The following ADCK1 variants were observed in gnomAD, a reference collection of about 807,000 sequenced individuals.
ADCK1 encodes the protein aarF domain containing kinase 1, also known as aarF domain-containing protein kinase 1.
A neutral mutation model predicts 52.3 loss-of-function variants in ADCK1; 41 were observed. The ratio of observed to expected loss-of-function variants is 0.78; its 90% CI spans 0.61 to 1.02. ADCK1 has a LOEUF of 1.02. Among genes scored for constraint, ADCK1 ranks in the 50% least tolerant of loss-of-function variants. The probability of loss-of-function intolerance (pLI) is 0.00; values close to 1 mark genes in which losing one functional copy is unlikely to be tolerated. For synonymous variants in ADCK1, 250 were observed against 274.6 expected, an observed-to-expected ratio of 0.91 and a Z score of 0.89; for missense variants, 658 against 679.5, an observed-to-expected ratio of 0.97 and a Z score of 0.35.
At chr14:77,922,738 CCT>C (rs1236248714) in intron 7 of ADCK1, among the ~76,000 whole-genome samples, 3 of 152,136 alleles carry the variant, frequency 2.0e-5, no homozygotes, top group Non-Finnish European at 4.4e-5. Context: ...GTTAGTTAAA[CCT>C]TGATGAATCA....
chr14:77,869,221 C>T (rs562286528), intron 4 of ADCK1, among the ~76,000 whole-genome samples: 86 of 152,326 alleles, frequency 5.6e-4, no homozygotes, highest in Middle Eastern at 3.4e-3. Context: ...TATTGTCTCA[C>T]AGTTCTGGAG....
intron 3 of ADCK1, 127 bp from the exon 4 acceptor site, chr14:77,858,949 T>G: frequency 1.2e-6 from 1 of 816,356 alleles, no homozygotes; most frequent in South Asian, 1.9e-5. Flanking sequence ...TGCGTGTGTG[T>G]GCATGCATCT....
At chr14:77,927,992 G>T (rs2084236443) in intron 9 of ADCK1, among the ~76,000 whole-genome samples, 1 of 152,186 alleles carries the variant, frequency 6.6e-6, no homozygotes, top group Non-Finnish European at 1.5e-5. Flanking sequence ...GAGATGAGTG[G>T]TGGCGATCAT....
At chr14:77,820,625 C>T (rs892758260) in intron 2 of ADCK1, among the ~76,000 whole-genome samples, 2 of 141,936 alleles carry the variant, frequency 1.4e-5, no homozygotes, top group East Asian at 2.0e-4. Flanking sequence ...AGCCATTGTG[C>T]CAGGCCAATT....
At chr14:77,884,463 T>C (rs2083103572) in intron 4 of ADCK1, among the ~76,000 whole-genome samples, 1 of 152,144 alleles carries the variant, frequency 6.6e-6, no homozygotes, top group Non-Finnish European at 1.5e-5. Flanking sequence ...CTGGGTCTTG[T>C]GTGGGGCCTG....
intron 3 of ADCK1, among the ~76,000 whole-genome samples, chr14:77,844,717 C>G (rs1480180745): frequency 6.6e-6 from 1 of 152,190 alleles, no homozygotes; most frequent in Admixed American, 6.5e-5. Flanking sequence ...GGCATAGAGA[C>G]AATAATCTAC....
chr14:77,931,770 CT>C, intron 10 of ADCK1, 59 bp downstream of exon 10: 1 of 1,531,536 alleles, frequency 6.5e-7, no homozygotes, highest in Non-Finnish European at 8.8e-7. Context: ...CCCAGGGGTC[CT>C]GCTTTTGCTG....
In ADCK1 at chr14:77,923,183, G is replaced by A. The variant is rs1250342874; in HGVS notation, c.859-1274G>A. 6.6e-6 allele frequency: 1 copy of A among 152,262 alleles called. No homozygotes were observed. The highest frequency in any genetic ancestry group is 2.4e-5 in the African/African-American group (1 of 41,470). The allele number at this position is 152,262 out of a possible 1,614,324, so 9.4% of individuals were successfully genotyped here. On this transcript the variant is annotated intron_variant, in intron 7 of 10. Coordinates refer to ENST00000238561, the MANE Select transcript of ADCK1 (RefSeq NM_020421.4). This position sits in a 1 kb window ranked among gnomAD's most constrained non-coding sequence, Gnocchi z 4.3. ...GTGCCCTGAAAGAAAAGGCCTTTGA[G>A]AACGTATGGCAAGGGAACCTCATTT... is the stretch of plus-strand genomic sequence containing the variant.
chr14:77,817,925 A>T (rs1371291094), intron 1 of ADCK1, among the ~76,000 whole-genome samples: 2 of 149,940 alleles, frequency 1.3e-5, no homozygotes, highest in East Asian at 4.0e-4. Context: ...TTTTTAGTAG[A>T]GACGGGGTTT....
intron 6 of ADCK1, among the ~76,000 whole-genome samples, chr14:77,904,090 C>T (rs917995336): frequency 2.6e-5 from 4 of 152,094 alleles, no homozygotes; most frequent in Non-Finnish European, 5.9e-5. Context: ...TGGTTTTGCT[C>T]TGTGGGGAAG....
intron 4 of ADCK1, among the ~76,000 whole-genome samples, chr14:77,882,343 G>C (rs2140194076): frequency 6.6e-6 from 1 of 152,340 alleles, no homozygotes; most frequent in South Asian, 2.1e-4. Context: ...TCTGCCCCAG[G>C]TGCCCTAAGT....
intron 3 of ADCK1, among the ~76,000 whole-genome samples, chr14:77,849,093 G>T (rs1323558691): frequency 6.6e-6 from 1 of 152,158 alleles, no homozygotes; most frequent in East Asian, 1.9e-4. Flanking sequence ...CTCCCAAAGT[G>T]CTGGGATTAT....
chr14:77,878,938 T>A (rs568339267), intron 4 of ADCK1, among the ~76,000 whole-genome samples: 26 of 151,800 alleles, frequency 1.7e-4, no homozygotes, highest in African/African-American at 5.8e-4. Flanking sequence ...CCCCCACGAA[T>A]GAATGACAGC....
At chr14:77,880,232 C>T (rs1250749375) in intron 4 of ADCK1, among the ~76,000 whole-genome samples, 1 of 152,240 alleles carries the variant, frequency 6.6e-6, no homozygotes. Flanking sequence ...ATGCCCTTGA[C>T]AGAGCCAGGG....
intron 3 of ADCK1, among the ~76,000 whole-genome samples, chr14:77,833,040 G>A (rs1330278908): frequency 6.6e-6 from 1 of 152,148 alleles, no homozygotes; most frequent in Non-Finnish European, 1.5e-5. Context: ...CTGCCCTCAA[G>A]TTGTCATAGT....
chr14:77,907,022 T>A (rs1233432429), intron 6 of ADCK1, among the ~76,000 whole-genome samples: 1 of 152,136 alleles, frequency 6.6e-6, no homozygotes, highest in Non-Finnish European at 1.5e-5. Context: ...TTGACAGCGA[T>A]CCTCCCACCT....
chr14:77,853,360 T>C (rs375566598), intron 3 of ADCK1, among the ~76,000 whole-genome samples: 151 of 150,984 alleles, frequency 1.0e-3, no homozygotes, highest in South Asian at 3.1e-3. Context: ...GCTCAGGTGA[T>C]CTGCCTGTCT....
At chr14:77,808,214 A>C (rs568395380) in intron 1 of ADCK1, among the ~76,000 whole-genome samples, 2 of 152,296 alleles carry the variant, frequency 1.3e-5, no homozygotes, top group Admixed American at 6.5e-5. Context: ...CAAGAGTGTT[A>C]AGCCAGGCAG....
At chr14:77,883,604 G>A (rs976142366) in intron 4 of ADCK1, among the ~76,000 whole-genome samples, 4 of 152,160 alleles carry the variant, frequency 2.6e-5, no homozygotes, top group Admixed American at 6.5e-5. Context: ...ATTATCATGT[G>A]TGTGTATGTG....
Sources: allele counts gnomAD v4.1 joint callset (sites outside exome capture counted in the v4.1 genomes callset), GRCh38; gene constraint gnomAD v4.1.1; non-coding constraint Gnocchi (gnomAD v3.1); transcripts MANE v1.5; gene names NCBI Gene and HGNC (gene_info 2026-07-23, HGNC 2026-07-21).